The following ABHD2 variants were observed in gnomAD, a reference collection of about 807,000 sequenced individuals.
ABHD2 encodes abhydrolase domain containing 2, acylglycerol lipase, also known as monoacylglycerol lipase ABHD2.
In ABHD2, 20 loss-of-function variants were observed where a neutral mutation model predicts 48.1. The ratio of observed to expected loss-of-function variants is 0.42; its 90% confidence interval spans 0.29 to 0.60. The LOEUF (loss-of-function observed/expected upper bound fraction) is 0.60, where lower values mean the gene tolerates loss of function less well. Among genes scored for constraint, ABHD2 ranks in the 20% least tolerant of loss-of-function variants. The probability of loss-of-function intolerance (pLI) is 0.24; values close to 1 mark genes in which losing one functional copy is unlikely to be tolerated. For missense variants in ABHD2, 405 were observed against 550.9 expected (o/e 0.74, Z 2.65); for synonymous variants, 209 against 214.2 (o/e 0.98, Z 0.21).
At chr15:89,119,464 C>T (rs1013969423) in intron 3 of ABHD2, among the ~76,000 whole-genome samples, 7 of 152,198 alleles carry the variant, frequency 4.6e-5, no homozygotes, top group Admixed American at 2.6e-4. Flanking sequence ...CTTTTGTCCG[C>T]GTTACTACTG....
chr15:89,142,394 T>G (rs1833423501), intron 3 of ABHD2, among the ~76,000 whole-genome samples: 1 of 152,222 alleles, frequency 6.6e-6, no homozygotes, highest in Non-Finnish European at 1.5e-5. Flanking sequence ...CATCCTTGAC[T>G]TCCTTTGTTA....
At chr15:89,110,152 C>T (rs718821) in intron 1 of ABHD2, among the ~76,000 whole-genome samples, 6,592 of 152,004 alleles carry the variant, frequency 0.043, 475 homozygotes, top group African/African-American at 0.15. Flanking sequence ...AGTGTGGCAA[C>T]CTCCACCTCT....
At chr15:89,089,283 C>G (rs777803302) in intron 1 of ABHD2, among the ~76,000 whole-genome samples, 3 of 152,222 alleles carry the variant, frequency 2.0e-5, no homozygotes, top group Admixed American at 6.5e-5. Flanking sequence ...TCTGTAAGGG[C>G]CTTCTCTACC....
chr15:89,074,980 C>T, the ABHD2 span, among the ~76,000 whole-genome samples: 386 of 152,266 alleles, frequency 2.5e-3, no homozygotes, highest in African/African-American at 8.4e-3. Flanking sequence ...TCATTCCCTT[C>T]ACCCCCAACC....
chr15:89,138,777 G>T (rs2050355816), intron 3 of ABHD2, among the ~76,000 whole-genome samples: 1 of 152,176 alleles, frequency 6.6e-6, no homozygotes, highest in Admixed American at 6.5e-5. Flanking sequence ...CTTCTGGTTG[G>T]GGGAGTTGAT....
At chr15:89,090,698 C>A (rs945853928) in intron 1 of ABHD2, among the ~76,000 whole-genome samples, 1 of 152,160 alleles carries the variant, frequency 6.6e-6, no homozygotes, top group African/African-American at 2.4e-5. Flanking sequence ...GGGTGGGAAT[C>A]CCTCGAAATG....
the ABHD2 span, among the ~76,000 whole-genome samples, chr15:89,076,801 G>T: frequency 1.3e-5 from 2 of 151,990 alleles, no homozygotes. Flanking sequence ...GTTTTCATTT[G>T]GATGCTAATA....
At position 89,189,226 on chromosome 15, in the gene ABHD2, T is replaced by G. The variant is rs2051264309; in HGVS notation, c.926+923T>G. Among the ~76,000 whole-genome samples the G allele has an allele frequency of 6.6e-6, 1 of 152,232 alleles. No individual in the cohort carries two copies. The highest frequency in any genetic ancestry group is 2.1e-4 in the South Asian group (1 of 4,836). ...GAGGCCAGGAACAGTGGCTCATGCC[T>G]GTAATTCCAGCACTTGGGGAGGCTG... On this transcript the variant is annotated intron_variant, in intron 8 of 10. Coordinates refer to ENST00000352732, the MANE Select transcript of ABHD2 (RefSeq NM_152924.5). This position sits in a 1 kb window ranked among gnomAD's most constrained non-coding sequence, Gnocchi z 4.9.
At chr15:89,156,471 C>G (rs1378487309) in intron 5 of ABHD2, among the ~76,000 whole-genome samples, 3 of 152,084 alleles carry the variant, frequency 2.0e-5, no homozygotes, top group Non-Finnish European at 4.4e-5. Flanking sequence ...TGGACATTTT[C>G]AAAACCAACC....
intron 3 of ABHD2, among the ~76,000 whole-genome samples, chr15:89,121,126 G>A (rs2150824403): frequency 6.6e-6 from 1 of 152,324 alleles, no homozygotes; most frequent in African/African-American, 2.4e-5. Flanking sequence ...AAAGAGCTTT[G>A]AATTGAAATT....
At chr15:89,152,622 C>T (rs745805787) in intron 4 of ABHD2, among the ~76,000 whole-genome samples, 1 of 152,186 alleles carries the variant, frequency 6.6e-6, no homozygotes, top group Non-Finnish European at 1.5e-5. Flanking sequence ...GCAGTATAGG[C>T]TGGCGTTTGT....
intron 3 of ABHD2, among the ~76,000 whole-genome samples, chr15:89,128,389 T>C (rs946935023): frequency 3.9e-5 from 6 of 152,210 alleles, no homozygotes; most frequent in African/African-American, 1.4e-4. Flanking sequence ...CATCCACCTT[T>C]GTCCTTTTGT....
At chr15:89,082,097 A>T in the ABHD2 span, among the ~76,000 whole-genome samples, 1 of 152,162 alleles carries the variant, frequency 6.6e-6, no homozygotes, top group African/African-American at 2.4e-5. The surrounding 1 kb of genome is among the most constrained non-coding windows in gnomAD (Gnocchi z 4.4). Flanking sequence ...GCACCCCTGC[A>T]GTTGTGACAA....
intron 3 of ABHD2, among the ~76,000 whole-genome samples, chr15:89,150,158 ATTC>A (rs571681204): frequency 6.3e-4 from 96 of 152,316 alleles, no homozygotes; most frequent in African/African-American, 2.1e-3. Flanking sequence ...AAATTTACTC[ATTC>A]TTCTGATATT....
At chr15:89,144,290 T>C (rs2050456117) in intron 3 of ABHD2, among the ~76,000 whole-genome samples, 2 of 152,138 alleles carry the variant, frequency 1.3e-5, no homozygotes, top group Non-Finnish European at 2.9e-5. Flanking sequence ...TGTGCCACCA[T>C]GCCTGGCTAA....
chr15:89,063,858 G>A, the ABHD2 span, among the ~76,000 whole-genome samples: 22,809 of 151,950 alleles, frequency 0.15, 1,962 homozygotes, highest in South Asian at 0.26. Flanking sequence ...GGTGGGTAGC[G>A]GGGATGTTTT....
In ABHD2 at chr15:89,201,256, C is replaced by A; in HGVS notation, c.*5833C>A. On this transcript the variant is annotated 3_prime_UTR_variant, in exon 11 of 11. Transcript: ENST00000352732. ...TCAGGTGTTGATTTGCTTCTGATAGCTTCATCATTTCTCCCTGAAGTCTTT... is the reference window on the plus strand; with the variant it reads ...TCAGGTGTTGATTTGCTTCTGATAGATTCATCATTTCTCCCTGAAGTCTTT... 1.6e-6 allele frequency: 2 copies of A among 1,234,544 alleles called. No individual in the cohort carries two copies. The highest frequency in any genetic ancestry group is 1.3e-5 in the South Asian group (1 of 79,498). 76.5% of individuals were successfully genotyped at this position (1,234,544 alleles called of 1,614,324 possible).
At chr15:89,045,166 T>G in the ABHD2 span, among the ~76,000 whole-genome samples, 1 of 152,158 alleles carries the variant, frequency 6.6e-6, no homozygotes, top group South Asian at 2.1e-4. Context: ...TAGGGAATCC[T>G]TTCCCCATTG....
chr15:89,162,497 C>T (rs12916193), intron 5 of ABHD2, among the ~76,000 whole-genome samples: 58,625 of 151,846 alleles, frequency 0.39, 12,007 homozygotes, highest in East Asian at 0.78. Context: ...CACCATCAGG[C>T]CCCCTATTCC....
Sources: allele counts gnomAD v4.1 joint callset (sites outside exome capture counted in the v4.1 genomes callset), GRCh38; gene constraint gnomAD v4.1.1; non-coding constraint Gnocchi (gnomAD v3.1); transcripts MANE v1.5; gene names NCBI Gene and HGNC (gene_info 2026-07-23, HGNC 2026-07-21).